The following ZNF519 variants were observed in gnomAD, a reference collection of about 807,000 sequenced individuals.
ZNF519 encodes the protein zinc finger protein 519.
A neutral mutation model predicts 7.4 loss-of-function variants in ZNF519; 7 were observed. The ratio of observed to expected loss-of-function variants is 0.94; its 90% CI spans 0.54 to 1.77. The LOEUF (loss-of-function observed/expected upper bound fraction) is 1.77. Among genes scored for constraint, ZNF519 ranks in the 40% most tolerant of loss-of-function variants. The pLI, the probability that ZNF519 is intolerant of heterozygous loss-of-function variation, is 0.00. For synonymous variants in ZNF519, 179 were observed against 203.3 expected, an observed-to-expected ratio of 0.88 and a Z score of 1.02; for missense variants, 586 against 623.1, an observed-to-expected ratio of 0.94 and a Z score of 0.63.
intron 2 of ZNF519, among the ~76,000 whole-genome samples, chr18:14,109,285 T>G (rs142317842): frequency 0.015 from 2,349 of 152,242 alleles, 23 homozygotes; most frequent in Middle Eastern, 0.031. Context: ...AACACCCCAC[T>G]TTCAGCATTG....
intron 2 of ZNF519, among the ~76,000 whole-genome samples, chr18:14,088,515 T>G (rs1026439881): frequency 7.9e-5 from 12 of 152,154 alleles, no homozygotes; most frequent in Non-Finnish European, 1.5e-4. Flanking sequence ...AGAAAAAAAT[T>G]AAAACCCAAG....
intron 2 of ZNF519, among the ~76,000 whole-genome samples, chr18:14,111,958 G>A (rs754482583): frequency 1.6e-4 from 24 of 151,812 alleles, no homozygotes; most frequent in African/African-American, 2.4e-4. Flanking sequence ...CCAGACAAAC[G>A]CCTATCAAAA....
Position 14,101,679 on chromosome 18 carries a change from C to T in ZNF519, c.*3238G>A, listed in dbSNP as rs771351740. The T allele has an allele frequency of 5.0e-5, 20 of 398,536 alleles. No homozygotes were observed. Among genetic ancestry groups the T allele is most frequent in the Non-Finnish European group, 6.2e-5 (14 of 226,140 alleles). The allele number at this position is 398,536 out of a possible 1,614,324, so 24.7% of individuals were successfully genotyped here. ...ACCATCTCTACACCCACACCCCAAT[C>T]GAGGCAGGAATGGCCATGACAGCAT... is the stretch of plus-strand genomic sequence containing the variant. On this transcript the variant is annotated 3_prime_UTR_variant, in exon 3 of 3. Transcript: ENST00000590202.
Position 14,106,258 on chromosome 18 carries a change from T to C in ZNF519, c.282A>G (p.Gln94=). The change falls in exon 3 of 3, where the codon CAA becomes CAG. Residue 94 remains glutamine (Q), a synonymous_variant. Transcript: ENST00000590202. Reference sequence around the variant, plus strand: ...GGCTACATAGATTATAACATTCCTTTTGTCCTTCACCTTCACCTATACTTT... The same window carrying C: ...GGCTACATAGATTATAACATTCCTTCTGTCCTTCACCTTCACCTATACTTT... ...NWESIGEGEG[Q]KECYNLCSQY... is the part of the protein sequence containing the mutation. 1.2e-6 allele frequency: 2 copies of C among 1,613,690 alleles called. No individual in the cohort carries two copies. The highest frequency in any genetic ancestry group is 2.2e-5 in the South Asian group (2 of 91,060).
downstream of ZNF519, among the ~76,000 whole-genome samples, chr18:14,099,306 G>T (rs2046150002): frequency 6.6e-6 from 1 of 152,078 alleles, no homozygotes; most frequent in Non-Finnish European, 1.5e-5. Flanking sequence ...GCACATAAAA[G>T]TAATGAAGAA....
intron 1 of ZNF519, among the ~76,000 whole-genome samples, chr18:14,130,029 T>G (rs1330867469): frequency 1.3e-5 from 2 of 152,098 alleles, no homozygotes; most frequent in East Asian, 1.9e-4. Flanking sequence ...CCTCATGCTT[T>G]TTGTTCTCCG....
downstream of ZNF519, chr18:14,071,328 G>T (rs939595885): frequency 1.3e-5 from 2 of 151,832 alleles, no homozygotes; most frequent in Non-Finnish European, 2.9e-5. Flanking sequence ...AATTACAGAG[G>T]GTTGTTCAAA....
intron 2 of ZNF519, among the ~76,000 whole-genome samples, chr18:14,092,199 C>T (rs1207741514): frequency 6.6e-6 from 1 of 151,942 alleles, no homozygotes; most frequent in Admixed American, 6.6e-5. Context: ...GACCCTGAGA[C>T]TTGCTGATGT....
chr18:14,080,784 C>T (rs188266970), intron 3 of ZNF519, among the ~76,000 whole-genome samples: 145 of 152,238 alleles, frequency 9.5e-4, no homozygotes, highest in Non-Finnish European at 1.6e-3. Context: ...AGTCAAGATG[C>T]TGTTCAGTAG....
intron 1 of ZNF519, among the ~76,000 whole-genome samples, chr18:14,130,061 A>G (rs2046322154): frequency 6.6e-6 from 1 of 151,992 alleles, no homozygotes; most frequent in Non-Finnish European, 1.5e-5. Flanking sequence ...ACGAAAAGAG[A>G]CACCCTTCCC....
In ZNF519 at chr18:14,128,683, T is replaced by C. The variant is rs1363063622; in HGVS notation, c.3+3592A>G. On this transcript the variant is annotated intron_variant, in intron 1 of 2. Transcript: ENST00000590202. ...CCCAGGTCCTAGATTAAGACAATTC[T>C]GAGTCAAACACACACACACACACAC... Among the ~76,000 whole-genome samples the C allele has an allele frequency of 6.0e-5, 4 of 66,432 alleles. No homozygotes were observed. In the South Asian group the frequency reaches 2.9e-3, roughly 48 times the overall value. 43.6% of individuals were successfully genotyped at this position (66,432 alleles called of 152,430 possible).
chr18:14,089,594 A>C (rs954381971), intron 2 of ZNF519, among the ~76,000 whole-genome samples: 5 of 152,154 alleles, frequency 3.3e-5, no homozygotes, highest in Non-Finnish European at 7.3e-5. Flanking sequence ...CAGGGGCTGC[A>C]TATGGTGGGG....
At chr18:14,091,273 T>A (rs895958508) in intron 2 of ZNF519, among the ~76,000 whole-genome samples, 3 of 152,176 alleles carry the variant, frequency 2.0e-5, no homozygotes, top group African/African-American at 7.2e-5. Context: ...AAAGACTTTT[T>A]AAAGAAATCC....
At position 14,105,726 on chromosome 18, in the gene ZNF519, T is replaced by G. The variant is rs554892340; in HGVS notation, c.814A>C (p.Lys272Gln). The G allele has an allele frequency of 6.2e-7, 1 of 1,613,990 alleles. No homozygotes were observed. Among genetic ancestry groups the G allele is most frequent in the Non-Finnish European group, 8.5e-7 (1 of 1,179,978 alleles). ...AGATGTAAGCCCCTGGTAAAAGCTT[T>G]GCCACGTTCTTTATATTTCACTGAT... is the stretch of plus-strand genomic sequence containing the variant. ...EKSVKYKERG[K>Q]AFTRGLHLGH... The change falls in exon 3 of 3, where the codon AAA becomes CAA. Residue 272 changes from lysine to glutamine, a missense_variant. By Grantham distance (53) the Lys-to-Gln change is moderately conservative (BLOSUM62 1). Transcript: ENST00000590202.
At chr18:14,095,157 T>C (rs556404869), downstream of ZNF519, among the ~76,000 whole-genome samples, 2 of 152,282 alleles carry the variant, frequency 1.3e-5, no homozygotes, top group East Asian at 1.9e-4. Context: ...ATAGTTGTTA[T>C]GTTCTTTTGG....
At position 14,101,503 on chromosome 18, in the gene ZNF519, G is replaced by C; in HGVS notation, c.*3414C>G. 2.5e-6 allele frequency: 1 copy of C among 396,320 alleles called. No homozygotes were observed. The allele number at this position is 396,320 out of a possible 1,614,324, so 24.6% of individuals were successfully genotyped here. On this transcript the variant is annotated 3_prime_UTR_variant, in exon 3 of 3. Coordinates refer to ENST00000590202, the MANE Select transcript of ZNF519 (RefSeq NM_145287.4). ...CTGAACAGTGCTGGGGTGAAATGGT[G>C]GGGCTGAAGGAAGGAAACAGACTCA...
chr18:14,089,662 T>G lies in ZNF519; in HGVS notation c.131-4586A>C, dbSNP rs377546159. 2.0e-5 allele frequency among the ~76,000 whole-genome samples: 3 copies of G among 152,306 alleles called. No individual in the cohort carries two copies. In the East Asian group the frequency reaches 5.8e-4, roughly 29 times the overall value. On this transcript the variant is annotated intron_variant and NMD_transcript_variant, in intron 2 of 4. Coordinates refer to the ZNF519 transcript ENST00000587419. Reference sequence around the variant, plus strand: ...GTATTTTCTGCATCAATAGACATGATCCATATATTGATAAGGCTGTTGTAT... The same window carrying G: ...GTATTTTCTGCATCAATAGACATGAGCCATATATTGATAAGGCTGTTGTAT...
At chr18:14,108,586 A>G (rs2046205505) in intron 2 of ZNF519, among the ~76,000 whole-genome samples, 1 of 152,094 alleles carries the variant, frequency 6.6e-6, no homozygotes, top group Admixed American at 6.5e-5. Flanking sequence ...AAACTCTCCA[A>G]TCAAAAGACA....
In ZNF519 at chr18:14,106,160, T is replaced by G; in HGVS notation, c.380A>C (p.Lys127Thr). Reference sequence around the variant, plus strand: ...AGGAGCAGCTGACAGAAACTGAGGCTTCTTCTGAAATATTCTATATTCTTT... The same window carrying G: ...AGGAGCAGCTGACAGAAACTGAGGCGTCTTCTGAAATATTCTATATTCTTT... ...GDKEYRIFQKKPQFLSAAPTE... is the reference protein window; with the variant it reads ...GDKEYRIFQKTPQFLSAAPTE... Residue 127 changes from lysine to threonine, a missense_variant, in exon 3 of 3, where the codon AAG becomes ACG. Physicochemically the swap from Lys to Thr is moderately conservative, Grantham distance 78. Coordinates refer to ENST00000590202, the MANE Select transcript of ZNF519 (RefSeq NM_145287.4). 1 of 1,611,864 alleles carries G rather than the reference T, an allele frequency of 6.2e-7. No individual in the cohort carries two copies. Among genetic ancestry groups the G allele is most frequent in the Non-Finnish European group, 8.5e-7 (1 of 1,179,464 alleles).
Sources: allele counts gnomAD v4.1 joint callset (sites outside exome capture counted in the v4.1 genomes callset), GRCh38; gene constraint gnomAD v4.1.1; transcripts MANE v1.5; gene names NCBI Gene and HGNC (gene_info 2026-07-23, HGNC 2026-07-21).